MAPK8: variants seen among roughly 807,000 people sequenced by gnomAD.
The protein encoded by MAPK8 is mitogen-activated protein kinase 8, also known as JUN N-terminal kinase.
MAPK8 carries 13 observed loss-of-function variants against 52.9 expected under a neutral mutation model. That is an observed-to-expected ratio of 0.25 (90% CI 0.16 to 0.39). The LOEUF is 0.39. Among genes scored for constraint, MAPK8 ranks in the 10% least tolerant of loss-of-function variants. The pLI, the probability that MAPK8 is intolerant of heterozygous loss-of-function variation, is 1.00. For synonymous variants in MAPK8, 191 were observed against 169.8 expected (o/e 1.12, Z -0.97); for missense variants, 300 against 519.2 (o/e 0.58, Z 4.10).
intron 1 of MAPK8, among the ~76,000 whole-genome samples, chr10:48,341,168 G>A (rs945659905): frequency 5.9e-5 from 9 of 152,196 alleles, no homozygotes; most frequent in Non-Finnish European, 1.2e-4. Flanking sequence ...AAAATAAACT[G>A]AACCCTATTT....
intron 1 of MAPK8, among the ~76,000 whole-genome samples, chr10:48,371,890 CTTA>C (rs531562496): frequency 6.7e-4 from 102 of 152,166 alleles, no homozygotes; most frequent in Middle Eastern, 3.4e-3. Context: ...CATTTATCCA[CTTA>C]TTATAAAGGA....
intron 1 of MAPK8, among the ~76,000 whole-genome samples, chr10:48,357,125 A>G (rs1282307635): frequency 6.6e-6 from 1 of 152,174 alleles, no homozygotes; most frequent in Admixed American, 6.5e-5. Flanking sequence ...AAAGACATTC[A>G]TAATCACAGT....
At chr10:48,426,338 A>G (rs1165699358) in intron 8 of MAPK8, 42 bp from the exon 9 acceptor site, 12 of 1,517,884 alleles carry the variant, frequency 7.9e-6, no homozygotes, top group African/African-American at 2.8e-5. Context: ...TAATTTGAGA[A>G]TCTTTACAAA....
chr10:48,313,369 G>A (rs1842167096), intron 1 of MAPK8, among the ~76,000 whole-genome samples: 1 of 152,098 alleles, frequency 6.6e-6, no homozygotes, highest in Admixed American at 6.5e-5. Context: ...GGAGGCGGAG[G>A]TTGCAGTGAG....
At chr10:48,419,688 A>T (rs946831227) in intron 5 of MAPK8, among the ~76,000 whole-genome samples, 3 of 152,198 alleles carry the variant, frequency 2.0e-5, no homozygotes, top group Non-Finnish European at 4.4e-5. Context: ...AAAAGATCAA[A>T]TAACATTTGT....
At chr10:48,354,468 G>T (rs1037100269) in intron 1 of MAPK8, among the ~76,000 whole-genome samples, 7 of 152,184 alleles carry the variant, frequency 4.6e-5, no homozygotes, top group African/African-American at 7.2e-5. Flanking sequence ...CTTCAAGATT[G>T]CAGGGAAAGT....
At chr10:48,340,656 G>A (rs190292257) in intron 1 of MAPK8, among the ~76,000 whole-genome samples, 8 of 152,162 alleles carry the variant, frequency 5.3e-5, no homozygotes, top group African/African-American at 1.9e-4. Flanking sequence ...GTAATTCTTA[G>A]TGTTTCTGAA....
At position 48,436,506 on chromosome 10, in the gene MAPK8, AT is replaced by A. The variant is rs1174454726; in HGVS notation, c.*1478del. ...TCTGGAACAAGAGGGATTTCATGTA[AT>A]GAACTAGGAAATGCATACTCACATA... On this transcript the variant is annotated 3_prime_UTR_variant, in exon 12 of 12. Coordinates refer to ENST00000374189, the MANE Select transcript of MAPK8 (RefSeq NM_001323329.2). 1 of 152,208 alleles carries A rather than the reference AT, an allele frequency of 6.6e-6. No homozygotes were observed. Among genetic ancestry groups the A allele is most frequent in the Admixed American group, 6.5e-5 (1 of 15,292 alleles). The allele number at this position is 152,208 out of a possible 1,614,324, so 9.4% of individuals were successfully genotyped here. A position where few individuals can be genotyped will look rare whatever the true frequency, so the allele number is the denominator to read the frequency against.
At chr10:48,396,563 T>TA (rs1252069223) in intron 1 of MAPK8, among the ~76,000 whole-genome samples, 1 of 152,194 alleles carries the variant, frequency 6.6e-6, no homozygotes, top group Non-Finnish European at 1.5e-5. Flanking sequence ...AACATGGAGT[T>TA]ACCATATCTT....
chr10:48,385,615 T>C (rs1362692937), intron 1 of MAPK8, among the ~76,000 whole-genome samples: 1 of 151,142 alleles, frequency 6.6e-6, no homozygotes, highest in Admixed American at 6.6e-5. Context: ...AAAAATGAGT[T>C]TTTTTTTTAA....
At chr10:48,356,080 ACT>A (rs1339423282) in intron 1 of MAPK8, among the ~76,000 whole-genome samples, 1 of 151,032 alleles carries the variant, frequency 6.6e-6, no homozygotes, top group African/African-American at 2.4e-5. Flanking sequence ...GAAGAAAGTG[ACT>A]CTCAGACAGG....
chr10:48,354,852 A>C (rs1301981196), intron 1 of MAPK8, among the ~76,000 whole-genome samples: 1 of 152,210 alleles, frequency 6.6e-6, no homozygotes, highest in African/African-American at 2.4e-5. Context: ...GGCAGTATAC[A>C]TAGACTGGCA....
chr10:48,410,430 T>TA (rs1225354286), intron 5 of MAPK8: 9 of 301,672 alleles, frequency 3.0e-5, no homozygotes, highest in Admixed American at 9.9e-5. Context: ...TTATATGAAA[T>TA]ACGGCGTGAT....
intron 1 of MAPK8, among the ~76,000 whole-genome samples, chr10:48,346,548 C>CG (rs1564511369): frequency 3.9e-5 from 6 of 152,080 alleles, no homozygotes; most frequent in East Asian, 1.9e-4. Context: ...GACTGGGAAG[C>CG]AGGGGGGAGG....
intron 1 of MAPK8, among the ~76,000 whole-genome samples, chr10:48,318,764 G>C (rs560387733): frequency 1.3e-5 from 2 of 152,306 alleles, no homozygotes; most frequent in East Asian, 3.9e-4. Context: ...GGTACGTACT[G>C]TAAACCAGTT....
At chr10:48,392,796 C>T (rs1249607556) in intron 1 of MAPK8, among the ~76,000 whole-genome samples, 1 of 151,990 alleles carries the variant, frequency 6.6e-6, no homozygotes, top group South Asian at 2.1e-4. Flanking sequence ...CCATTTACTC[C>T]TCTTTATCTA....
intron 1 of MAPK8, among the ~76,000 whole-genome samples, chr10:48,394,835 A>G (rs2041811204): frequency 6.7e-6 from 1 of 149,814 alleles, no homozygotes; most frequent in Non-Finnish European, 1.5e-5. Context: ...ACTAAGATGA[A>G]TAAGTGAGTC....
intron 6 of MAPK8, among the ~76,000 whole-genome samples, chr10:48,420,917 A>G (rs2043317382): frequency 6.6e-6 from 1 of 152,248 alleles, no homozygotes; most frequent in Admixed American, 6.5e-5. Context: ...TCAGTGTTGA[A>G]CAAAATTATC....
chr10:48,423,097 T>TA (rs140845136), intron 6 of MAPK8, among the ~76,000 whole-genome samples: 360 of 152,342 alleles, frequency 2.4e-3, no homozygotes, highest in Non-Finnish European at 3.7e-3. Context: ...TGCAAGCACT[T>TA]ACTCTCTCCT....
Sources: gnomAD v4.1 joint callset for allele counts (sites outside exome capture counted in the v4.1 genomes callset) on GRCh38, gnomAD v4.1.1 for gene constraint, MANE v1.5 for transcripts, NCBI Gene and HGNC (gene_info 2026-07-23, HGNC 2026-07-21) for gene names.